The following CCSER1 variants were observed in gnomAD, a reference collection of about 807,000 sequenced individuals.
CCSER1 encodes coiled-coil serine rich protein 1.
CCSER1 carries 41 observed loss-of-function variants against 82.0 expected under a neutral mutation model. That is an observed-to-expected ratio of 0.50 (90% CI 0.39 to 0.65). CCSER1 has a LOEUF of 0.65. CCSER1 is among the 30% of genes least tolerant of loss of function. CCSER1 has a pLI of 0.00. For synonymous variants in CCSER1, 414 were observed against 383.9 expected, an observed-to-expected ratio of 1.08 and a Z score of -0.92; for missense variants, 1,119 against 1,064.2, an observed-to-expected ratio of 1.05 and a Z score of -0.72.
intron 10 of CCSER1, among the ~76,000 whole-genome samples, chr4:91,506,672 G>A (rs1021410054): frequency 6.6e-6 from 1 of 151,892 alleles, no homozygotes; most frequent in Non-Finnish European, 1.5e-5. Flanking sequence ...ATTCTTTATT[G>A]AGAAGTAATT....
chr4:90,138,200 A>G (rs1213355105), intron 1 of CCSER1, among the ~76,000 whole-genome samples: 2 of 151,548 alleles, frequency 1.3e-5, no homozygotes, highest in African/African-American at 4.8e-5. Context: ...TCTTTTTTAA[A>G]TTTTTTTTTG....
intron 4 of CCSER1, among the ~76,000 whole-genome samples, chr4:90,413,909 A>T (rs34142056): frequency 7.9e-6 from 1 of 126,838 alleles, no homozygotes; most frequent in African/African-American, 2.9e-5. Context: ...AGATTGCGCC[A>T]CTGCACCCCA....
chr4:91,206,895 C>T lies in CCSER1; in HGVS notation c.2217+120901C>T, dbSNP rs142332124. 2.0e-4 allele frequency among the ~76,000 whole-genome samples: 31 copies of T among 151,918 alleles called. No individual in the cohort carries two copies. In the East Asian group the frequency reaches 5.2e-3, roughly 26 times the overall value. ...GAATCTCTGGAATCAACTATTTGGG[C>T]ATTATTTATATCCTATCTTAGACAT... On this transcript the variant is annotated intron_variant, in intron 10 of 10. Transcript: ENST00000509176.
intron 1 of CCSER1, among the ~76,000 whole-genome samples, chr4:90,271,844 ATATATATATATATATATATT>A (rs1334575423): frequency 5.8e-4 from 13 of 22,394 alleles, no homozygotes; most frequent in African/African-American, 3.6e-3. Flanking sequence ...ATATATATAT[ATATATATATATATATATATT>A]TTTTTTTTTT....
chr4:90,755,742 A>C (rs992093313), intron 7 of CCSER1, among the ~76,000 whole-genome samples: 2 of 152,298 alleles, frequency 1.3e-5, no homozygotes, highest in South Asian at 4.1e-4. Flanking sequence ...ATAAACAAAA[A>C]CTTGAAACTT....
intron 7 of CCSER1, among the ~76,000 whole-genome samples, chr4:90,740,409 T>A: frequency 6.6e-6 from 1 of 152,236 alleles, no homozygotes; most frequent in South Asian, 2.1e-4. Flanking sequence ...GTAAGACAAA[T>A]AAAATTATTT....
At chr4:91,296,483 A>ATATGTATTTATTTATT (rs1175690764) in intron 10 of CCSER1, among the ~76,000 whole-genome samples, 1 of 124,068 alleles carries the variant, frequency 8.1e-6, no homozygotes, top group African/African-American at 3.4e-5. Context: ...ATATATATAT[A>ATATGTATTTATTTATT]TATTTTAATT....
intron 1 of CCSER1, among the ~76,000 whole-genome samples, chr4:90,265,897 C>A (rs905066059): frequency 5.9e-5 from 9 of 152,082 alleles, no homozygotes; most frequent in African/African-American, 2.2e-4. Context: ...AATCTTACAG[C>A]ATTTTTAGTC....
chr4:90,281,555 A>G (rs548029665), intron 1 of CCSER1, among the ~76,000 whole-genome samples: 1 of 151,954 alleles, frequency 6.6e-6, no homozygotes, highest in African/African-American at 2.4e-5. Context: ...TGAGTTATAT[A>G]GTTTCCCAGC....
chr4:90,345,753 T>G (rs1742199302), intron 3 of CCSER1, among the ~76,000 whole-genome samples: 2 of 152,080 alleles, frequency 1.3e-5, no homozygotes, highest in Non-Finnish European at 2.9e-5. Flanking sequence ...CTTAGATTAA[T>G]TCAATAGCCT....
intron 8 of CCSER1, among the ~76,000 whole-genome samples, chr4:90,833,367 G>C (rs1157289722): frequency 1.3e-5 from 2 of 152,170 alleles, no homozygotes; most frequent in Non-Finnish European, 2.9e-5. Flanking sequence ...TGAAGATTAA[G>C]TTTCAACATA....
intron 1 of CCSER1, among the ~76,000 whole-genome samples, chr4:90,288,122 G>T (rs557640931): frequency 5.3e-5 from 8 of 151,994 alleles, no homozygotes; most frequent in Admixed American, 2.6e-4. Context: ...CTCTCCTTTG[G>T]ATTATTGCAA....
chr4:90,638,589 G>A (rs1304841207), intron 6 of CCSER1, among the ~76,000 whole-genome samples: 1 of 152,124 alleles, frequency 6.6e-6, no homozygotes, highest in Non-Finnish European at 1.5e-5. Context: ...GAAACCTCTG[G>A]TTTAGATAAT....
intron 10 of CCSER1, among the ~76,000 whole-genome samples, chr4:91,461,676 T>C (rs1756508843): frequency 1.3e-5 from 2 of 152,170 alleles, no homozygotes; most frequent in African/African-American, 4.8e-5. Flanking sequence ...GTAGCATACC[T>C]ATTGGATTGA....
At chr4:91,565,606 A>G (rs973650061) in intron 10 of CCSER1, among the ~76,000 whole-genome samples, 1 of 151,324 alleles carries the variant, frequency 6.6e-6, no homozygotes, top group Non-Finnish European at 1.5e-5. Context: ...CATTGTAGAG[A>G]TCTTTCACCT....
chr4:90,802,351 T>C (rs1272722341), intron 7 of CCSER1, among the ~76,000 whole-genome samples: 1 of 149,632 alleles, frequency 6.7e-6, no homozygotes, highest in Non-Finnish European at 1.5e-5. Context: ...AATGTAGTTG[T>C]ATAATCAGTA....
At chr4:91,143,403 G>C (rs568980342) in intron 10 of CCSER1, among the ~76,000 whole-genome samples, 62 of 152,022 alleles carry the variant, frequency 4.1e-4, no homozygotes, top group Non-Finnish European at 9.1e-4. Flanking sequence ...GCATTTTCTA[G>C]GTATAAGATT....
rs146084420 is a variant in CCSER1, at chr4:91,588,520, T to C, written c.2218-10052T>C. 2.6e-3 allele frequency among the ~76,000 whole-genome samples: 390 copies of C among 151,890 alleles called. 3 individuals are homozygous for C. Among genetic ancestry groups the C allele is most frequent in the African/African-American group, 9.2e-3 (381 of 41,528 alleles). ...TAATTAATTCCCTGCTGTGTCTTAT[T>C]CCTTATTTATACTATGTGAAAGAAT... On this transcript the variant is annotated intron_variant, in intron 10 of 10. Coordinates refer to ENST00000509176, the MANE Select transcript of CCSER1 (RefSeq NM_001145065.2).
At chr4:90,581,355 C>A (rs950508527) in intron 5 of CCSER1, among the ~76,000 whole-genome samples, 5 of 151,836 alleles carry the variant, frequency 3.3e-5, no homozygotes, top group African/African-American at 4.8e-5. Flanking sequence ...TTTAGTAGAC[C>A]AGTTTAATAA....
Sources: allele counts gnomAD v4.1 joint callset (sites outside exome capture counted in the v4.1 genomes callset), GRCh38; gene constraint gnomAD v4.1.1; transcripts MANE v1.5; gene names NCBI Gene and HGNC (gene_info 2026-07-23, HGNC 2026-07-21).